The following XKR9 variants were observed in gnomAD, a reference collection of about 807,000 sequenced individuals.
XKR9 encodes XK related 9.
A neutral mutation model predicts 32.0 loss-of-function variants in XKR9; 32 were observed. The observed-to-expected ratio is 1.00, with a 90% CI of 0.76 to 1.34. The LOEUF is 1.34. Among genes scored for constraint, XKR9 ranks in the 40% most tolerant of loss-of-function variants. XKR9 has a pLI of 0.00. For missense variants in XKR9, 546 were observed against 429.7 expected (o/e 1.27, Z -2.39); for synonymous variants, 168 against 143.4 (o/e 1.17, Z -1.22).
intron 2 of XKR9, among the ~76,000 whole-genome samples, chr8:70,753,578 G>A (rs1026496297): frequency 6.6e-6 from 1 of 151,902 alleles, no homozygotes; most frequent in African/African-American, 2.4e-5. Flanking sequence ...TGATCAAGTG[G>A]GCTTCATCCC....
At chr8:70,736,288 G>A (rs563550316), downstream of XKR9, among the ~76,000 whole-genome samples, 83 of 150,630 alleles carry the variant, frequency 5.5e-4, no homozygotes, top group Middle Eastern at 6.8e-3. Flanking sequence ...GTCTGTTCAT[G>A]TCCTTCGCCC....
chr8:70,935,893 C>G, the XKR9 span, among the ~76,000 whole-genome samples: 3 of 152,050 alleles, frequency 2.0e-5, no homozygotes, highest in East Asian at 5.8e-4. Flanking sequence ...TTCCAAATTA[C>G]ATTTTTAATT....
At chr8:70,975,415 T>A in the XKR9 span, among the ~76,000 whole-genome samples, 35 of 152,364 alleles carry the variant, frequency 2.3e-4, 1 homozygote, top group South Asian at 5.8e-3. Context: ...AATTGTCTTT[T>A]GTATAAGGTG....
At chr8:70,806,420 G>A in the XKR9 span, among the ~76,000 whole-genome samples, 2 of 152,154 alleles carry the variant, frequency 1.3e-5, no homozygotes, top group Non-Finnish European at 2.9e-5. Context: ...TAATGAGATG[G>A]ACAAATAGAC....
At chr8:70,931,934 A>C in the XKR9 span, among the ~76,000 whole-genome samples, 2 of 152,166 alleles carry the variant, frequency 1.3e-5, no homozygotes, top group Non-Finnish European at 2.9e-5. Flanking sequence ...ATCACATTTC[A>C]ACATGAGATT....
chr8:70,893,528 G>C, the XKR9 span, among the ~76,000 whole-genome samples: 2 of 152,124 alleles, frequency 1.3e-5, no homozygotes, highest in South Asian at 4.1e-4. Flanking sequence ...TAATTTTAGT[G>C]TGCCAGTTGG....
At chr8:70,935,282 A>G in the XKR9 span, among the ~76,000 whole-genome samples, 1 of 151,380 alleles carries the variant, frequency 6.6e-6, no homozygotes, top group East Asian at 1.9e-4. Context: ...TCTAGAATGT[A>G]TTTTGAGTTT....
intron 4 of XKR9, among the ~76,000 whole-genome samples, chr8:70,715,668 TATATC>T (rs910120659): frequency 6.6e-6 from 1 of 152,112 alleles, no homozygotes; most frequent in African/African-American, 2.4e-5. Context: ...AGCACATCAT[TATATC>T]ATTTCAGAGA....
At chr8:70,700,630 G>C (rs1805488828) in intron 3 of XKR9, among the ~76,000 whole-genome samples, 1 of 152,178 alleles carries the variant, frequency 6.6e-6, no homozygotes, top group Admixed American at 6.5e-5. Context: ...TCGGGGGTCA[G>C]GGGTCAGGGA....
At chr8:70,811,277 A>T in the XKR9 span, among the ~76,000 whole-genome samples, 4 of 152,160 alleles carry the variant, frequency 2.6e-5, no homozygotes, top group Non-Finnish European at 1.5e-5. Flanking sequence ...AATCTCTGGG[A>T]CACATTCAAA....
chr8:70,923,714 G>A, the XKR9 span, among the ~76,000 whole-genome samples: 291 of 152,362 alleles, frequency 1.9e-3, 1 homozygote, highest in African/African-American at 6.8e-3. Context: ...GGCACTTTTA[G>A]TGTCTGGCTA....
At chr8:70,705,262 A>G (rs1486789919) in intron 3 of XKR9, among the ~76,000 whole-genome samples, 2 of 152,224 alleles carry the variant, frequency 1.3e-5, no homozygotes, top group Non-Finnish European at 2.9e-5. Flanking sequence ...TTTAGGATAT[A>G]GCAATGAACA....
chr8:70,948,187 C>T, the XKR9 span, among the ~76,000 whole-genome samples: 9 of 152,012 alleles, frequency 5.9e-5, no homozygotes, highest in Non-Finnish European at 8.8e-5. Flanking sequence ...CAGCAAAAAC[C>T]GTAACATGAA....
chr8:70,889,510 C>G, the XKR9 span, among the ~76,000 whole-genome samples: 1 of 151,712 alleles, frequency 6.6e-6, no homozygotes, highest in Non-Finnish European at 1.5e-5. Context: ...TCACCCAGGT[C>G]CTGAGCATAA....
chr8:70,715,906 G>T (rs1171590303), intron 4 of XKR9, among the ~76,000 whole-genome samples: 1 of 151,936 alleles, frequency 6.6e-6, no homozygotes, highest in Non-Finnish European at 1.5e-5. Flanking sequence ...GATATATAAG[G>T]TCTCAAAAAA....
At chr8:70,928,469 A>C in the XKR9 span, among the ~76,000 whole-genome samples, 1 of 152,174 alleles carries the variant, frequency 6.6e-6, no homozygotes, top group African/African-American at 2.4e-5. Flanking sequence ...TAAAAGGCTT[A>C]TAATCTGATT....
chr8:70,969,275 A>G, the XKR9 span, among the ~76,000 whole-genome samples: 1 of 152,216 alleles, frequency 6.6e-6, no homozygotes, highest in Non-Finnish European at 1.5e-5. Flanking sequence ...TTTTTTTAAC[A>G]GTGTGATAGT....
At chr8:70,844,580 C>T in the XKR9 span, among the ~76,000 whole-genome samples, 1 of 152,210 alleles carries the variant, frequency 6.6e-6, no homozygotes, top group African/African-American at 2.4e-5. Flanking sequence ...CTCAAGTGCA[C>T]CAGTGGGGGG....
the XKR9 span, among the ~76,000 whole-genome samples, chr8:70,904,213 G>C: frequency 6.6e-6 from 1 of 152,080 alleles, no homozygotes. Flanking sequence ...AATGACAGTG[G>C]GGTGTTAAAG....
Sources: gnomAD v4.1 joint callset for allele counts (sites outside exome capture counted in the v4.1 genomes callset) on GRCh38, gnomAD v4.1.1 for gene constraint, MANE v1.5 for transcripts, NCBI Gene and HGNC (gene_info 2026-07-23, HGNC 2026-07-21) for gene names.